SMIM35: variants seen among roughly 807,000 people sequenced by gnomAD.
The protein encoded by SMIM35 is small integral membrane protein 35.
rs1407835891 is a variant in SMIM35, at chr11:118,005,620, G to A, written c.*790C>T. ...CCCCTAGTTCAGGCCAAAAATCCAG[G>A]AGTCAGCCCTTTCTGCCCCATCAAA... is the stretch of plus-strand genomic sequence containing the variant. On this transcript the variant is annotated 3_prime_UTR_variant, in exon 5 of 5. Transcript: ENST00000689828. 1 of 152,400 alleles carries A rather than the reference G, an allele frequency of 6.6e-6. No homozygotes were observed. The highest frequency in any genetic ancestry group is 2.4e-5 in the African/African-American group (1 of 41,496). 9.4% of individuals were successfully genotyped at this position (152,400 alleles called of 1,614,324 possible).
rs558558397 is a variant in SMIM35, at chr11:118,010,011, A to G, written c.*34-3635T>C. ...CAGTAGCCAGTTGTGGAACTTGGGT[A>G]AAGCATGCTGCTTTTCTGACCCAAG... On this transcript the variant is annotated intron_variant, in intron 4 of 4. Coordinates refer to ENST00000689828, the MANE Select transcript of SMIM35 (RefSeq NM_001394165.1). Among the ~76,000 whole-genome samples the G allele has an allele frequency of 2.0e-5, 3 of 152,322 alleles. No homozygotes were observed. The East Asian group carries it at 5.8e-4, about 29-fold the overall frequency.
chr11:118,051,687 C>T (rs886566236), intron 1 of SMIM35, among the ~76,000 whole-genome samples: 43 of 152,186 alleles, frequency 2.8e-4, no homozygotes, highest in Admixed American at 5.2e-4. Flanking sequence ...CTCCACCCCA[C>T]CTGTGCACAC....
chr11:118,076,856 C>G (rs1406288468), intron 1 of SMIM35, among the ~76,000 whole-genome samples: 1 of 152,146 alleles, frequency 6.6e-6, no homozygotes, highest in Non-Finnish European at 1.5e-5. Flanking sequence ...CTTCTGGCAT[C>G]ACCCTCAGCC....
chr11:118,054,829 A>G (rs1165932284), intron 1 of SMIM35, among the ~76,000 whole-genome samples: 3 of 141,018 alleles, frequency 2.1e-5, no homozygotes, highest in African/African-American at 7.9e-5. Context: ...TTTGAGACAG[A>G]GCTTTGTTCT....
At chr11:118,052,281 G>A (rs1306309927) in intron 1 of SMIM35, among the ~76,000 whole-genome samples, 1 of 152,112 alleles carries the variant, frequency 6.6e-6, no homozygotes, top group Non-Finnish European at 1.5e-5. Flanking sequence ...CGGCTGCTCA[G>A]GACTCCAGGG....
At chr11:118,076,775 CA>C (rs1944703440) in intron 1 of SMIM35, among the ~76,000 whole-genome samples, 1 of 152,188 alleles carries the variant, frequency 6.6e-6, no homozygotes, top group Non-Finnish European at 1.5e-5. Context: ...CAACTTCCCA[CA>C]ACCCCAAACC....
intron 4 of SMIM35, among the ~76,000 whole-genome samples, chr11:118,013,296 G>T (rs1400009325): frequency 6.6e-6 from 1 of 152,212 alleles, no homozygotes; most frequent in African/African-American, 2.4e-5. Context: ...TGTGGGGAAG[G>T]GATGGGCTTA....
intron 1 of SMIM35, among the ~76,000 whole-genome samples, chr11:118,080,424 G>C (rs1191806420): frequency 6.6e-6 from 1 of 152,202 alleles, no homozygotes; most frequent in African/African-American, 2.4e-5. Flanking sequence ...CACCTGCCGA[G>C]GTGGAAGCTG....
intron 1 of SMIM35, among the ~76,000 whole-genome samples, chr11:118,058,441 G>A (rs1944348309): frequency 6.6e-6 from 1 of 152,116 alleles, no homozygotes; most frequent in Admixed American, 6.5e-5. Context: ...TGGGCAGGTG[G>A]GCAGCTTTGG....
intron 3 of SMIM35, 41 bp from the exon 4 acceptor site, chr11:118,013,921 C>T (rs999388558): frequency 1.0e-5 from 4 of 398,814 alleles, no homozygotes; most frequent in Non-Finnish European, 1.8e-5. Flanking sequence ...AGCTGATAAC[C>T]TAGCCTCTCC....
intron 1 of SMIM35, among the ~76,000 whole-genome samples, chr11:118,040,475 A>G (rs752085740): frequency 6.6e-6 from 1 of 152,254 alleles, no homozygotes; most frequent in Admixed American, 6.5e-5. Flanking sequence ...ACTGTCAACC[A>G]AAAGTCCTAC....
chr11:118,057,587 A>T (rs1246709324), intron 1 of SMIM35, among the ~76,000 whole-genome samples: 1 of 152,136 alleles, frequency 6.6e-6, no homozygotes, highest in Non-Finnish European at 1.5e-5. Flanking sequence ...TGCAGGGGTG[A>T]TGTGGGTGGA....
chr11:118,035,924 A>G (rs1052705508), intron 1 of SMIM35, among the ~76,000 whole-genome samples: 1 of 152,086 alleles, frequency 6.6e-6, no homozygotes, highest in African/African-American at 2.4e-5. Flanking sequence ...GTCTCGCTCT[A>G]TCGCCCAGGC....
chr11:118,010,360 A>G (rs1183921799), intron 4 of SMIM35, among the ~76,000 whole-genome samples: 1 of 152,156 alleles, frequency 6.6e-6, no homozygotes, highest in Non-Finnish European at 1.5e-5. Context: ...GAGAACTTAG[A>G]GGAGAGAAAA....
intron 1 of SMIM35, among the ~76,000 whole-genome samples, chr11:118,023,338 A>G (rs1162372796): frequency 2.6e-5 from 4 of 152,178 alleles, no homozygotes; most frequent in African/African-American, 9.6e-5. Context: ...CTCAAATTAT[A>G]AAAGACCCTT....
chr11:118,012,998 G>A (rs541959610), intron 4 of SMIM35, among the ~76,000 whole-genome samples: 12 of 152,298 alleles, frequency 7.9e-5, no homozygotes, highest in African/African-American at 2.6e-4. Flanking sequence ...CCTCCTACAG[G>A]CTCAGGGGCT....
intron 1 of SMIM35, among the ~76,000 whole-genome samples, chr11:118,068,974 C>T (rs1484681565): frequency 6.6e-6 from 1 of 152,248 alleles, no homozygotes; most frequent in African/African-American, 2.4e-5. Flanking sequence ...AGCATTCTCT[C>T]TTCCAACAGG....
At chr11:118,077,296 A>G in intron 1 of SMIM35, 2 of 1,602,610 alleles carry the variant, frequency 1.2e-6, no homozygotes, top group African/African-American at 1.3e-5. Flanking sequence ...AGGATCACAG[A>G]GCCAGCATGG....
At chr11:118,014,829 CCT>C in intron 2 of SMIM35, 88 bp from the exon 3 acceptor site, 1 of 398,062 alleles carries the variant, frequency 2.5e-6, no homozygotes, top group Non-Finnish European at 4.4e-6. Flanking sequence ...CTCCCTCACC[CCT>C]GTCTGGAGGA....
Sources: gnomAD v4.1 joint callset for allele counts (sites outside exome capture counted in the v4.1 genomes callset) on GRCh38, gnomAD v4.1.1 for gene constraint, MANE v1.5 for transcripts, NCBI Gene and HGNC (gene_info 2026-07-23, HGNC 2026-07-21) for gene names.